The following TAB2 variants were observed in gnomAD, a reference collection of about 807,000 sequenced individuals.
The protein encoded by TAB2 is TGF-beta activated kinase 1 (MAP3K7) binding protein 2, also known as TGF-beta-activated kinase 1 and MAP3K7-binding protein 2.
A neutral mutation model predicts 65.0 loss-of-function variants in TAB2; 3 were observed. The observed-to-expected ratio is 0.05, with a 90% confidence interval of 0.02 to 0.12. The LOEUF (loss-of-function observed/expected upper bound fraction) is 0.12, where lower values mean the gene tolerates loss of function less well. TAB2 is among the 10% of genes least tolerant of loss of function. The probability of loss-of-function intolerance (pLI) is 1.00; values close to 1 mark genes in which losing one functional copy is unlikely to be tolerated. For missense variants in TAB2, 623 were observed against 840.3 expected (o/e 0.74, Z 3.20); for synonymous variants, 298 against 285.1 (o/e 1.05, Z -0.46).
At chr6:149,375,053 A>G (rs948090929) in intron 2 of TAB2, among the ~76,000 whole-genome samples, 2 of 152,220 alleles carry the variant, frequency 1.3e-5, no homozygotes, top group African/African-American at 4.8e-5. Context: ...TGATGCTAAG[A>G]ATTGATTATT....
Position 149,411,128 on chromosome 6 carries a change from T to A in TAB2, c.*1409T>A, listed in dbSNP as rs1052370642. On this transcript the variant is annotated 3_prime_UTR_variant, in exon 7 of 7. Coordinates refer to ENST00000637181, the MANE Select transcript of TAB2 (RefSeq NM_001292034.3). ...TGATCAGGAATGTATATAACTGAAA[T>A]CAAGAAAAAGAACAGTATGCATTTA... 1.3e-5 allele frequency: 2 copies of A among 152,592 alleles called. No homozygotes were observed. The highest frequency in any genetic ancestry group is 4.8e-5 in the African/African-American group (2 of 41,430). The allele number at this position is 152,592 out of a possible 1,614,324, so 9.5% of individuals were successfully genotyped here. A position where few individuals can be genotyped will look rare whatever the true frequency, so the allele number is the denominator to read the frequency against.
At chr6:149,309,869 TGTGTGTGGGTGTGG>T (rs938743785) in intron 1 of TAB2, among the ~76,000 whole-genome samples, 2 of 122,484 alleles carry the variant, frequency 1.6e-5, no homozygotes, top group African/African-American at 7.4e-5. Flanking sequence ...ACACTGTGTG[TGTGTGTGGGTGTGG>T]GTGTGTGTGT....
intron 1 of TAB2, among the ~76,000 whole-genome samples, chr6:149,361,838 G>A (rs920113429): frequency 1.3e-5 from 2 of 152,172 alleles, no homozygotes; most frequent in African/African-American, 4.8e-5. Context: ...TCTGTCAGAT[G>A]CCCTAAATCA....
intron 1 of TAB2, among the ~76,000 whole-genome samples, chr6:149,266,263 G>T (rs559448851): frequency 6.6e-6 from 1 of 152,336 alleles, no homozygotes; most frequent in Admixed American, 6.5e-5. Context: ...AGCAGTCACA[G>T]GTTGTCCGTG....
chr6:149,316,110 G>GTT (rs2114716455), upstream of TAB2, among the ~76,000 whole-genome samples: 2 of 152,178 alleles, frequency 1.3e-5, no homozygotes, highest in South Asian at 4.1e-4. Flanking sequence ...TCAGAGAACT[G>GTT]CTGTAAAGCG....
Position 149,345,830 on chromosome 6 carries a change from A to AT in TAB2, c.-89-24071dup, listed in dbSNP as rs199766889. Among the ~76,000 whole-genome samples the AT allele has an allele frequency of 2.4e-3, 369 of 151,964 alleles. 3 individuals carry two copies. The highest frequency in any genetic ancestry group is 3.5e-3 in the African/African-American group (143 of 41,432). On this transcript the variant is annotated intron_variant, in intron 1 of 6. Coordinates refer to ENST00000637181, the MANE Select transcript of TAB2 (RefSeq NM_001292034.3). Reference sequence around the variant, plus strand: ...TGTTATACATGGAATCTGCATCTTGATTTTTTTTCAGTCAATAAGGTCTTA... The same window carrying AT: ...TGTTATACATGGAATCTGCATCTTGATTTTTTTTTCAGTCAATAAGGTCTTA...
At position 149,321,334 on chromosome 6, in the gene TAB2, T is replaced by C. The variant is rs1756665200; in HGVS notation, c.-90+3319T>C. Reference sequence around the variant, plus strand: ...CAGTATTTTAACATTTTGTTTCTTATGATTCTGGTCCTAAAAAATCAAGGA... The same window carrying C: ...CAGTATTTTAACATTTTGTTTCTTACGATTCTGGTCCTAAAAAATCAAGGA... On this transcript the variant is annotated intron_variant, in intron 1 of 6. Coordinates refer to ENST00000637181, the MANE Select transcript of TAB2 (RefSeq NM_001292034.3). 3 of 152,238 alleles carry C rather than the reference T, an allele frequency of 2.0e-5. No individual in the cohort carries two copies. In the South Asian group the frequency reaches 6.2e-4, roughly 31 times the overall value. The allele number at this position is 152,238 out of a possible 1,614,324, so 9.4% of individuals were successfully genotyped here.
intron 1 of TAB2, among the ~76,000 whole-genome samples, chr6:149,303,153 G>T (rs1327314245): frequency 1.3e-5 from 2 of 152,054 alleles, no homozygotes; most frequent in Non-Finnish European, 2.9e-5. Flanking sequence ...ACAAGCTAAG[G>T]GCTCCCATTG....
intron 1 of TAB2, among the ~76,000 whole-genome samples, chr6:149,356,146 T>C (rs1321188645): frequency 2.6e-5 from 4 of 152,244 alleles, no homozygotes; most frequent in Non-Finnish European, 5.9e-5. Context: ...AAATGCTTAT[T>C]TCCTTCTAAC....
At chr6:149,274,952 G>A (rs1562396568) in intron 1 of TAB2, among the ~76,000 whole-genome samples, 1 of 152,138 alleles carries the variant, frequency 6.6e-6, no homozygotes, top group African/African-American at 2.4e-5. Context: ...GGACCCTGGT[G>A]TAGCCCTGAG....
At position 149,378,227 on chromosome 6, in the gene TAB2, G is replaced by A. The variant is rs149561086; in HGVS notation, c.312G>A (p.Thr104=). 62 of 1,614,006 alleles carry A rather than the reference G, an allele frequency of 3.8e-5. No homozygotes were observed. Among genetic ancestry groups the A allele is most frequent in the South Asian group, 1.5e-4 (14 of 91,088 alleles). Residue 104 remains threonine, a synonymous_variant, in exon 3 of 7, where the codon ACG becomes ACA. Transcript: ENST00000637181. ...GGATGAATGGAAGTAGGACTCTAAC[G>A]CACAGCATTAGTGATGGACAACTTC... ...GSRMNGSRTL[T]HSISDGQLQG...
chr6:149,289,095 G>A (rs1247348748), intron 1 of TAB2, among the ~76,000 whole-genome samples: 1 of 152,016 alleles, frequency 6.6e-6, no homozygotes, highest in African/African-American at 2.4e-5. Context: ...CTGGCCTCAA[G>A]TGATCCACCC....
chr6:149,275,015 C>G (rs1208246292), intron 1 of TAB2, among the ~76,000 whole-genome samples: 1 of 152,040 alleles, frequency 6.6e-6, no homozygotes, highest in Non-Finnish European at 1.5e-5. Flanking sequence ...CTCTCCACCC[C>G]ACTGCAGGAC....
chr6:149,365,937 T>C (rs566365467), intron 1 of TAB2, among the ~76,000 whole-genome samples: 6 of 152,294 alleles, frequency 3.9e-5, no homozygotes, highest in African/African-American at 1.4e-4. Context: ...ATTTTTTAGT[T>C]CTTAAATTTT....
At chr6:149,277,768 C>A (rs772286413) in intron 1 of TAB2, among the ~76,000 whole-genome samples, 3 of 152,130 alleles carry the variant, frequency 2.0e-5, no homozygotes, top group African/African-American at 4.8e-5. Flanking sequence ...AAATGTACTA[C>A]CATATAGTAT....
At chr6:149,406,837 G>T (rs1680451332) in intron 6 of TAB2, among the ~76,000 whole-genome samples, 1 of 152,082 alleles carries the variant, frequency 6.6e-6, no homozygotes, top group Non-Finnish European at 1.5e-5. Context: ...TCCTGCCTCA[G>T]CTTCCCAAGT....
chr6:149,383,228 A>T (rs1430402481), intron 3 of TAB2, among the ~76,000 whole-genome samples: 3 of 152,178 alleles, frequency 2.0e-5, no homozygotes, highest in African/African-American at 7.2e-5. Context: ...AGAAGTAGAG[A>T]GCACTTTCAG....
chr6:149,239,994 G>A (rs1476825873), intron 1 of TAB2, among the ~76,000 whole-genome samples: 2 of 152,092 alleles, frequency 1.3e-5, no homozygotes, highest in Admixed American at 1.3e-4. Flanking sequence ...TGTGACCACA[G>A]CAGATGGCAG....
chr6:149,304,011 T>A (rs1779014358), intron 1 of TAB2: 1 of 152,284 alleles, frequency 6.6e-6, no homozygotes, highest in Non-Finnish European at 1.5e-5. Flanking sequence ...ATGAAGGAAC[T>A]GGAAACTTTC....
Sources: allele counts gnomAD v4.1 joint callset (sites outside exome capture counted in the v4.1 genomes callset), GRCh38; gene constraint gnomAD v4.1.1; transcripts MANE v1.5; gene names NCBI Gene and HGNC (gene_info 2026-07-23, HGNC 2026-07-21).